Variants in FBXO34 observed in about 807,000 individuals in gnomAD.
FBXO34 encodes the protein F-box protein 34.
In FBXO34, 12 loss-of-function variants were observed where a neutral mutation model predicts 24.5. That is an observed-to-expected ratio of 0.49 (90% CI 0.31 to 0.79). FBXO34 has a LOEUF of 0.79. FBXO34 is among the 30% of genes least tolerant of loss of function. FBXO34 has a pLI of 0.04. For synonymous variants in FBXO34, 320 were observed against 311.9 expected (o/e 1.03, Z -0.27); for missense variants, 823 against 857.7 (o/e 0.96, Z 0.51).
At chr14:55,302,707 A>C (rs774159068) in intron 1 of FBXO34, among the ~76,000 whole-genome samples, 1 of 151,864 alleles carries the variant, frequency 6.6e-6, no homozygotes, top group Non-Finnish European at 1.5e-5. Flanking sequence ...TAGGCTTTAT[A>C]ATTAGAAAGT....
Position 55,352,742 on chromosome 14 carries a change from G to C in FBXO34, c.*216G>C. 2.0e-6 allele frequency: 1 copy of C among 505,116 alleles called. No individual in the cohort carries two copies. Among genetic ancestry groups the C allele is most frequent in the South Asian group, 3.5e-5 (1 of 28,386 alleles). The allele number at this position is 505,116 out of a possible 1,614,324, so 31.3% of individuals were successfully genotyped here. A position where few individuals can be genotyped will look rare whatever the true frequency, so the allele number is the denominator to read the frequency against. On this transcript the variant is annotated 3_prime_UTR_variant, in exon 2 of 2. Coordinates refer to ENST00000313833, the MANE Select transcript of FBXO34 (RefSeq NM_017943.4). ...AGTGGCATCTCATGTTTGAACCCGG[G>C]TGGTATCCCACAGTTGGATTCAGTT...
chr14:55,351,218 A>T lies in FBXO34; in HGVS notation c.828A>T (p.Pro276=). Residue 276 remains proline, a synonymous_variant, in exon 2 of 2, where the codon CCA becomes CCT. Coordinates refer to ENST00000313833, the MANE Select transcript of FBXO34 (RefSeq NM_017943.4). ...AGGTTGGTGAACCACAGAGCGAACC[A>T]GTCCGTGTCCTTGACATGGTAGCCA... ...NLEVGEPQSE[P]VRVLDMVAKL... 3 of 1,614,244 alleles carry T rather than the reference A, an allele frequency of 1.9e-6. No individual in the cohort carries two copies. The highest frequency in any genetic ancestry group is 2.5e-6 in the Non-Finnish European group (3 of 1,180,042).
At chr14:55,326,193 C>G (rs573430432) in intron 1 of FBXO34, among the ~76,000 whole-genome samples, 1 of 152,282 alleles carries the variant, frequency 6.6e-6, no homozygotes, top group East Asian at 1.9e-4. Context: ...TGAAACAAAT[C>G]CAGTCTTTAT....
At chr14:55,358,831 A>G (rs115670634) in intron 3 of FBXO34, among the ~76,000 whole-genome samples, 2,144 of 152,120 alleles carry the variant, frequency 0.014, 58 homozygotes, top group African/African-American at 0.049. Flanking sequence ...TAAATCAACC[A>G]CTGGGGGTGG....
chr14:55,347,791 T>C (rs1884207058), intron 1 of FBXO34, among the ~76,000 whole-genome samples: 2 of 152,196 alleles, frequency 1.3e-5, no homozygotes, highest in African/African-American at 2.4e-5. Flanking sequence ...TAAAATAATA[T>C]ATGGGGGAAG....
At chr14:55,371,736 G>A (rs374504369), downstream of FBXO34, among the ~76,000 whole-genome samples, 1 of 151,992 alleles carries the variant, frequency 6.6e-6, no homozygotes, top group African/African-American at 2.4e-5. Context: ...CCCCAGAGGC[G>A]GAGCTTGCAG....
At chr14:55,344,768 G>C (rs1884104838) in intron 1 of FBXO34, among the ~76,000 whole-genome samples, 2 of 151,162 alleles carry the variant, frequency 1.3e-5, no homozygotes, top group Admixed American at 1.3e-4. Context: ...TCCCCTCCCT[G>C]TATCCATGTG....
Position 55,351,873 on chromosome 14 carries a change from TC to T in FBXO34, c.1486del (p.Gln496SerfsTer2). On this transcript the variant is annotated frameshift_variant, in exon 2 of 2. Coordinates refer to ENST00000313833, the MANE Select transcript of FBXO34 (RefSeq NM_017943.4). LOFTEE classifies it high-confidence loss of function. ...LPPGQHLSDY[S>X]QLNESTTKES... ...ACCTGGTCAGCACTTGTCAGACTAT[TC>T]CCAGTTGAATGAAAGCACAACAAAA... is the stretch of plus-strand genomic sequence containing the variant. 1 of 1,614,166 alleles carries T rather than the reference TC, an allele frequency of 6.2e-7. No individual in the cohort carries two copies. Among genetic ancestry groups the T allele is most frequent in the Non-Finnish European group, 8.5e-7 (1 of 1,180,032 alleles).
intron 1 of FBXO34, among the ~76,000 whole-genome samples, chr14:55,339,111 A>G (rs72717713): frequency 0.012 from 1,787 of 152,326 alleles, 14 homozygotes; most frequent in Middle Eastern, 0.027. Flanking sequence ...ACTTTTGGAA[A>G]TATTTTCTAA....
chr14:55,432,232 AC>A, the FBXO34 span, among the ~76,000 whole-genome samples: 1 of 123,442 alleles, frequency 8.1e-6, no homozygotes, highest in Admixed American at 9.1e-5. Context: ...ATATGGGGAA[AC>A]CCCCGTCTCT....
chr14:55,276,766 G>A (rs1186510147), intron 1 of FBXO34, among the ~76,000 whole-genome samples: 5 of 152,194 alleles, frequency 3.3e-5, no homozygotes, highest in African/African-American at 9.7e-5. Context: ...TGATAGATTC[G>A]GGGCTTTGGG....
At chr14:55,419,040 C>A in the FBXO34 span, among the ~76,000 whole-genome samples, 1 of 152,244 alleles carries the variant, frequency 6.6e-6, no homozygotes, top group East Asian at 1.9e-4. Context: ...CTTTTAGCCA[C>A]TACACCTGCT....
intron 1 of FBXO34, among the ~76,000 whole-genome samples, chr14:55,326,730 C>A (rs10134317): frequency 2.0e-5 from 3 of 151,782 alleles, no homozygotes; most frequent in Admixed American, 2.0e-4. Context: ...TTTATGGATA[C>A]GATGATCAAA....
intron 1 of FBXO34, among the ~76,000 whole-genome samples, chr14:55,297,246 G>T (rs991242005): frequency 6.6e-6 from 1 of 152,138 alleles, no homozygotes; most frequent in African/African-American, 2.4e-5. Flanking sequence ...AAACCTTACT[G>T]AGGACTCCCG....
At chr14:55,382,538 G>T in the FBXO34 span, among the ~76,000 whole-genome samples, 1 of 152,032 alleles carries the variant, frequency 6.6e-6, no homozygotes, top group African/African-American at 2.4e-5. Context: ...TGCCCAGGCT[G>T]GTCTTGAACT....
At position 55,338,248 on chromosome 14, in the gene FBXO34, A is replaced by G. The variant is rs575853088; in HGVS notation, c.-10-12133A>G. ...GTATTTTTAGTAGAGACGGGGTTTC[A>G]CTGTGTTAGCCAGGATGGTCTCGAT... On this transcript the variant is annotated intron_variant, in intron 1 of 1. Coordinates refer to ENST00000313833, the MANE Select transcript of FBXO34 (RefSeq NM_017943.4). Among the ~76,000 whole-genome samples, 3 of 151,086 alleles carry G rather than the reference A, an allele frequency of 2.0e-5. No individual in the cohort carries two copies. The South Asian group carries it at 6.3e-4, about 32-fold the overall frequency.
At chr14:55,435,743 A>AT in the FBXO34 span, 4 of 879,392 alleles carry the variant, frequency 4.5e-6, no homozygotes, top group Admixed American at 3.4e-5. Flanking sequence ...TTCAGTAACA[A>AT]TTTTTTAAGA....
At chr14:55,297,580 G>A (rs1882183777) in intron 1 of FBXO34, among the ~76,000 whole-genome samples, 1 of 152,178 alleles carries the variant, frequency 6.6e-6, no homozygotes, top group Non-Finnish European at 1.5e-5. Flanking sequence ...ATTTAGATAT[G>A]GTAGTGATAG....
the FBXO34 span, among the ~76,000 whole-genome samples, chr14:55,420,347 C>A: frequency 6.6e-6 from 1 of 152,174 alleles, no homozygotes; most frequent in East Asian, 1.9e-4. Flanking sequence ...CCTAGCCAGG[C>A]CCTTAAGTTT....
Sources: gnomAD v4.1 joint callset for allele counts (sites outside exome capture counted in the v4.1 genomes callset) on GRCh38, gnomAD v4.1.1 for gene constraint, MANE v1.5 for transcripts, NCBI Gene and HGNC (gene_info 2026-07-23, HGNC 2026-07-21) for gene names.